Variants in TRMT44 observed in about 807,000 individuals in gnomAD.
TRMT44 encodes probable tRNA (uracil-O(2)-)-methyltransferase.
A neutral mutation model predicts 77.3 loss-of-function variants in TRMT44; 78 were observed. The observed-to-expected ratio is 1.01, with a 90% CI of 0.84 to 1.22. The LOEUF (loss-of-function observed/expected upper bound fraction) is 1.22. Among genes scored for constraint, TRMT44 ranks in the 50% most tolerant of loss-of-function variants. TRMT44 has a pLI of 0.00. For synonymous variants in TRMT44, 391 were observed against 383.3 expected, an observed-to-expected ratio of 1.02 and a Z score of -0.23; for missense variants, 1,090 against 964.4, an observed-to-expected ratio of 1.13 and a Z score of -1.73.
At chr4:8,448,274 G>A (rs926034303) in intron 2 of TRMT44, among the ~76,000 whole-genome samples, 1 of 152,160 alleles carries the variant, frequency 6.6e-6, no homozygotes, top group African/African-American at 2.4e-5. Context: ...ATTCATTTTC[G>A]GCAACATTTG....
rs199790265 is a variant in TRMT44, at chr4:8,465,562, G to T, written c.1494+1G>T. 2 of 1,610,584 alleles carry T rather than the reference G, an allele frequency of 1.2e-6. No homozygotes were observed. The highest frequency in any genetic ancestry group is 2.2e-5 in the South Asian group (2 of 90,416). On this transcript the variant is annotated splice_donor_variant, in intron 8 of 10. Coordinates refer to ENST00000389737, the MANE Select transcript of TRMT44 (RefSeq NM_152544.3). LOFTEE classifies it high-confidence loss of function. ...CCTCAGGATTCCTTCAACCAAAAGA[G>T]TATGTCTGATTCTCATGTTGTTCTA...
In TRMT44 at chr4:8,469,417, C is replaced by A. The variant is rs530035585; in HGVS notation, c.1927+1071C>A. Among the ~76,000 whole-genome samples the A allele has an allele frequency of 2.6e-5, 4 of 152,316 alleles. No individual in the cohort carries two copies. In the South Asian group the frequency reaches 8.3e-4, roughly 32 times the overall value. On this transcript the variant is annotated intron_variant, in intron 9 of 10. Coordinates refer to ENST00000389737, the MANE Select transcript of TRMT44 (RefSeq NM_152544.3). The stretch of plus-strand genomic sequence containing the variant: ...TGAGGCTGGCAGAGCATGGAGCCCA[C>A]CACAGGCAACTGGGACCCAGAGCCC...
At chr4:8,509,820 C>G in the TRMT44 span, 41,217 of 152,304 alleles carry the variant, frequency 0.27, 6,155 homozygotes, top group Admixed American at 0.39. Flanking sequence ...AGCGAGGCCT[C>G]ACGGGGAAGC....
the TRMT44 span, among the ~76,000 whole-genome samples, chr4:8,505,285 G>A: frequency 6.6e-6 from 1 of 152,228 alleles, no homozygotes; most frequent in East Asian, 1.9e-4. Context: ...CAGCCCCTGA[G>A]GAGGTGGCAT....
intron 10 of TRMT44, among the ~76,000 whole-genome samples, chr4:8,475,479 A>T (rs1029242376): frequency 6.6e-6 from 1 of 152,070 alleles, no homozygotes; most frequent in Admixed American, 6.5e-5. Flanking sequence ...GTCCTGGGAC[A>T]CTCGGGTTTG....
At chr4:8,481,147 A>T (rs1021974140), downstream of TRMT44, among the ~76,000 whole-genome samples, 16 of 152,230 alleles carry the variant, frequency 1.1e-4, 1 homozygote, top group Admixed American at 9.8e-4. Context: ...TCTTAACTTG[A>T]ACATTTCCTT....
At position 8,492,645 on chromosome 4, in the gene TRMT44, A is replaced by G. The variant is rs550521572; in HGVS notation, n.3892-621A>G. ...ATTCCTAAAAAAGATAGCTACTACG[A>G]TTAAAAAGCTACATACCTCCCTCAC... On this transcript the variant is annotated intron_variant and non_coding_transcript_variant, in intron 2 of 2. Coordinates refer to the TRMT44 transcript ENST00000511366. 5.5e-4 allele frequency among the ~76,000 whole-genome samples: 84 copies of G among 152,330 alleles called. 1 individual carries two copies. Among genetic ancestry groups the G allele is most frequent in the Non-Finnish European group, 1.0e-3 (69 of 68,034 alleles).
At chr4:8,473,884 G>A (rs1296074716) in intron 10 of TRMT44, among the ~76,000 whole-genome samples, 2 of 152,214 alleles carry the variant, frequency 1.3e-5, no homozygotes, top group African/African-American at 4.8e-5. Context: ...TGTAGACACG[G>A]GGAGTGGGTC....
rs1364407601 is a variant in TRMT44 at position 8,446,329 on chromosome 4, A to T, written c.620-147A>T. The stretch of plus-strand genomic sequence containing the variant: ...TGGGCTGTAGCAGTGAATGAAAGGC[A>T]AAAGTTCCTCTCCTGGAGTGCCATT... On this transcript the variant is annotated intron_variant, in intron 1 of 10. Transcript: ENST00000389737. This position sits in a 1 kb window ranked among gnomAD's most constrained non-coding sequence, Gnocchi z 4.3. 6 of 602,538 alleles carry T rather than the reference A, an allele frequency of 1.0e-5. No individual in the cohort carries two copies. The East Asian group carries it at 1.7e-4, about 17-fold the overall frequency. The allele number at this position is 602,538 out of a possible 1,614,324, so 37.3% of individuals were successfully genotyped here. A position where few individuals can be genotyped will look rare whatever the true frequency, so the allele number is the denominator to read the frequency against.
chr4:8,471,477 C>T lies in TRMT44; in HGVS notation c.2044+277C>T, dbSNP rs534615552. On this transcript the variant is annotated intron_variant, in intron 10 of 10. Coordinates refer to ENST00000389737, the MANE Select transcript of TRMT44 (RefSeq NM_152544.3). ...TGCTGTGCTTGCTGACGCCTCAGCT[C>T]CACTTGCTCCACGCAGGACAGAGCA... Among the ~76,000 whole-genome samples the T allele has an allele frequency of 1.2e-3, 179 of 152,342 alleles. 2 individuals carry two copies. The highest frequency in any genetic ancestry group is 1.9e-4 in the Non-Finnish European group (13 of 68,030).
chr4:8,452,839 G>A lies in TRMT44; in HGVS notation c.1024-43G>A. ...TGTGTCTAAATTATTCTTGCGTAGA[G>A]TGAATTACCACCTGACTTTGTTTTG... On this transcript the variant is annotated intron_variant, in intron 4 of 10. Coordinates refer to ENST00000389737, the MANE Select transcript of TRMT44 (RefSeq NM_152544.3). The surrounding 1 kb of genome is among the most constrained non-coding windows in gnomAD (Gnocchi z 5.7). The A allele has an allele frequency of 8.2e-7, 1 of 1,217,326 alleles. No individual in the cohort carries two copies. Among genetic ancestry groups the A allele is most frequent in the Non-Finnish European group, 1.1e-6 (1 of 874,478 alleles). The allele number at this position is 1,217,326 out of a possible 1,614,324, so 75.4% of individuals were successfully genotyped here.
At chr4:8,509,457 C>G in the TRMT44 span, 4 of 152,696 alleles carry the variant, frequency 2.6e-5, no homozygotes, top group Non-Finnish European at 4.4e-5. Flanking sequence ...GGAGGTGCTT[C>G]CTAAGAAGTT....
intron 2 of TRMT44, among the ~76,000 whole-genome samples, chr4:8,490,153 G>A (rs1057053235): frequency 2.6e-5 from 4 of 152,030 alleles, no homozygotes; most frequent in African/African-American, 7.3e-5. Context: ...GCAGGCACCC[G>A]TTCCTTGGCC....
At chr4:8,505,237 C>G in the TRMT44 span, among the ~76,000 whole-genome samples, 1 of 152,212 alleles carries the variant, frequency 6.6e-6, no homozygotes, top group Admixed American at 6.5e-5. Flanking sequence ...ACTCCTCACC[C>G]CTCAGAGCTG....
rs1726464932 is a variant in TRMT44, at chr4:8,465,403, G to A, written c.1336G>A (p.Val446Ile). 1.4e-5 allele frequency: 22 copies of A among 1,613,022 alleles called. No individual in the cohort carries two copies. Among genetic ancestry groups the A allele is most frequent in the Non-Finnish European group, 1.6e-5 (19 of 1,179,642 alleles). The part of the protein sequence containing the change: ...ARSSYNCRFF[V>I]LPCCFFDFIG... ...GTCTTCCTACAATTGCCGCTTCTTT[G>A]TCCTCCCCTGCTGCTTCTTTGACTT... Residue 446 changes from valine (V) to isoleucine (I), a missense_variant, in exon 8 of 11, where the codon GTC becomes ATC. Physicochemically the swap from Val to Ile is conservative, Grantham distance 29 (BLOSUM62 3). Coordinates refer to ENST00000389737, the MANE Select transcript of TRMT44 (RefSeq NM_152544.3).
chr4:8,457,665 A>G (rs1189474205), intron 6 of TRMT44, among the ~76,000 whole-genome samples: 1 of 152,250 alleles, frequency 6.6e-6, no homozygotes, highest in African/African-American at 2.4e-5. Context: ...CGTCATTGCT[A>G]CAGAAAAGGC....
chr4:8,463,080 T>C (rs901299054), intron 6 of TRMT44, among the ~76,000 whole-genome samples: 8 of 152,258 alleles, frequency 5.3e-5, no homozygotes, highest in African/African-American at 1.2e-4. Context: ...TCTTGTGTTA[T>C]AGTTTTGCTG....
At chr4:8,448,428 A>T (rs1195699992) in intron 2 of TRMT44, among the ~76,000 whole-genome samples, 1 of 152,112 alleles carries the variant, frequency 6.6e-6, no homozygotes, top group Non-Finnish European at 1.5e-5. Flanking sequence ...GAAACGGCAG[A>T]GTGTGGCCGA....
At chr4:8,471,957 A>G (rs538235828) in intron 10 of TRMT44, among the ~76,000 whole-genome samples, 7 of 150,958 alleles carry the variant, frequency 4.6e-5, no homozygotes, top group Non-Finnish European at 8.8e-5. Flanking sequence ...GCAGGGAGCC[A>G]TGGTTTACCA....
Sources: allele counts gnomAD v4.1 joint callset (sites outside exome capture counted in the v4.1 genomes callset), GRCh38; gene constraint gnomAD v4.1.1; non-coding constraint Gnocchi (gnomAD v3.1); transcripts MANE v1.5; gene names NCBI Gene and HGNC (gene_info 2026-07-23, HGNC 2026-07-21).